CCDC18: variants seen among roughly 807,000 people sequenced by gnomAD.
CCDC18 encodes coiled-coil domain-containing protein 18.
Under a neutral mutation model 196.0 loss-of-function variants are expected in CCDC18, and 157 were observed. The ratio of observed to expected loss-of-function variants is 0.80; its 90% CI spans 0.70 to 0.91. CCDC18 has a LOEUF of 0.91. CCDC18 is among the 40% of genes least tolerant of loss of function. The pLI, the probability that CCDC18 is intolerant of heterozygous loss-of-function variation, is 0.00. For missense variants in CCDC18, 1,465 were observed against 1,611.6 expected, an observed-to-expected ratio of 0.91 and a Z score of 1.56; for synonymous variants, 482 against 529.2, an observed-to-expected ratio of 0.91 and a Z score of 1.22.
chr1:93,273,289 C>A (rs539480462), intron 28 of CCDC18, among the ~76,000 whole-genome samples: 1 of 152,228 alleles, frequency 6.6e-6, no homozygotes, highest in Admixed American at 6.5e-5. Context: ...AGGATGGTCT[C>A]GATCTCCTGA....
intron 25 of CCDC18, 56 bp from the exon 26 acceptor site, chr1:93,258,692 C>T (rs1173114115): frequency 2.1e-6 from 3 of 1,395,860 alleles, no homozygotes; most frequent in Non-Finnish European, 2.9e-6. Context: ...ATTAGTTTAG[C>T]TATAATAACC....
At chr1:93,238,051 TTC>T (rs1341960991) in intron 19 of CCDC18, among the ~76,000 whole-genome samples, 4 of 152,298 alleles carry the variant, frequency 2.6e-5, no homozygotes, top group Admixed American at 6.5e-5. Context: ...GCATATACAG[TTC>T]TGTTTTTTAT....
chr1:93,277,673 A>G (rs1260428214), intron 28 of CCDC18, among the ~76,000 whole-genome samples: 1 of 151,670 alleles, frequency 6.6e-6, no homozygotes, highest in East Asian at 1.9e-4. Flanking sequence ...TTAGTACATA[A>G]CAAAATGGAG....
intron 1 of CCDC18, among the ~76,000 whole-genome samples, chr1:93,182,087 C>G (rs1649813687): frequency 6.6e-6 from 1 of 152,162 alleles, no homozygotes; most frequent in Non-Finnish European, 1.5e-5. Flanking sequence ...GGATGGGGAC[C>G]TGATTTATTG....
At chr1:93,231,744 T>G (rs1052417526) in intron 17 of CCDC18, among the ~76,000 whole-genome samples, 1 of 152,236 alleles carries the variant, frequency 6.6e-6, no homozygotes, top group African/African-American at 2.4e-5. Flanking sequence ...ATTTCTTAGT[T>G]GTTATTGTCA....
chr1:93,237,959 G>C (rs1371541055), intron 19 of CCDC18, among the ~76,000 whole-genome samples: 1 of 152,016 alleles, frequency 6.6e-6, no homozygotes, highest in Non-Finnish European at 1.5e-5. Flanking sequence ...TTTTCTTGGG[G>C]TTTTTACTTT....
At chr1:93,254,678 T>C in intron 24 of CCDC18, 64 bp downstream of exon 24, 2 of 1,451,218 alleles carry the variant, frequency 1.4e-6, no homozygotes, top group Non-Finnish European at 1.9e-6. Context: ...TGAATCTTTA[T>C]GTTTTAAACT....
intron 28 of CCDC18, among the ~76,000 whole-genome samples, chr1:93,274,592 C>A (rs1333544240): frequency 6.6e-6 from 1 of 151,974 alleles, no homozygotes; most frequent in Non-Finnish European, 1.5e-5. Context: ...CACCTTTAAT[C>A]CCAACACTTT....
intron 14 of CCDC18, 48 bp downstream of exon 14, chr1:93,217,917 A>G (rs762985702): frequency 4.1e-6 from 6 of 1,447,310 alleles, no homozygotes; most frequent in Non-Finnish European, 5.7e-6. Flanking sequence ...AAACTTAAAC[A>G]TTACTAGCCC....
intron 18 of CCDC18, among the ~76,000 whole-genome samples, chr1:93,233,806 C>A (rs544732412): frequency 6.6e-6 from 1 of 152,294 alleles, no homozygotes; most frequent in African/African-American, 2.4e-5. Flanking sequence ...CCATGTTGGT[C>A]AGGCTCGTCT....
intron 12 of CCDC18, 110 bp downstream of exon 12, chr1:93,215,076 A>T (rs1314717066): frequency 6.6e-6 from 4 of 606,876 alleles, no homozygotes; most frequent in Non-Finnish European, 1.1e-5. Context: ...TAAAGTTTTT[A>T]AAAAATGGTA....
At chr1:93,264,667 A>ATTTTTTTTTTTTTTTTTTT in intron 26 of CCDC18, 34 bp from the exon 27 acceptor site, 1 of 1,320,042 alleles carries the variant, frequency 7.6e-7, no homozygotes. Flanking sequence ...CCATTTTTTT[A>ATTTTTTTTTTTTTTTTTTT]TTTTTTTTCT....
intron 18 of CCDC18, among the ~76,000 whole-genome samples, chr1:93,235,539 T>C (rs765765044): frequency 6.6e-6 from 1 of 152,088 alleles, no homozygotes; most frequent in Non-Finnish European, 1.5e-5. Flanking sequence ...TGATACAACA[T>C]GCATAGAAAA....
At chr1:93,212,457 C>A (rs11809153) in intron 11 of CCDC18, among the ~76,000 whole-genome samples, 196 bp downstream of exon 11, 13,548 of 151,652 alleles carry the variant, frequency 0.089, 1,988 homozygotes, top group African/African-American at 0.31. Context: ...AGCCTAGTAC[C>A]CCTTAATTAT....
chr1:93,185,375 C>G (rs144972144), intron 3 of CCDC18, among the ~76,000 whole-genome samples: 1 of 151,988 alleles, frequency 6.6e-6, no homozygotes, highest in Non-Finnish European at 1.5e-5. Context: ...AAAAACGATA[C>G]TGTAGACACC....
intron 26 of CCDC18, among the ~76,000 whole-genome samples, chr1:93,261,342 CAT>C (rs1663764697): frequency 2.6e-5 from 4 of 152,100 alleles, no homozygotes; most frequent in South Asian, 2.1e-4. Context: ...TATACATCCT[CAT>C]ATTTATTTTT....
intron 23 of CCDC18, among the ~76,000 whole-genome samples, chr1:93,248,972 CAA>C (rs71586786): frequency 0.22 from 20,740 of 95,654 alleles, 1,471 homozygotes; most frequent in East Asian, 0.39. Flanking sequence ...AACCCTGTCT[CAA>C]AAAAAAAAAA....
Position 93,278,663 on chromosome 1 carries a change from T to C in CCDC18, c.*186T>C, listed in dbSNP as rs925423470. The C allele has an allele frequency of 3.1e-6, 1 of 326,240 alleles. No homozygotes were observed. The highest frequency in any genetic ancestry group is 5.4e-6 in the Non-Finnish European group (1 of 183,748). The allele number at this position is 326,240 out of a possible 1,614,324, so 20.2% of individuals were successfully genotyped here. Reference sequence around the variant, plus strand: ...TTTTAAAGAAAATTTATTATTTTATTTATTGTTTTTTGGCTTAAACTTGCT... The same window carrying C: ...TTTTAAAGAAAATTTATTATTTTATCTATTGTTTTTTGGCTTAAACTTGCT... On this transcript the variant is annotated 3_prime_UTR_variant, in exon 29 of 29. Coordinates refer to ENST00000690025, the MANE Select transcript of CCDC18 (RefSeq NM_001378204.1).
Position 93,204,270 on chromosome 1 carries a change from T to C in CCDC18, c.796-1240T>C, listed in dbSNP as rs1399212992. On this transcript the variant is annotated intron_variant, in intron 7 of 28. Transcript: ENST00000690025. ...TTTAATGAAATAGGACATTTCTTTATGGGAAAAAAGTGGATAAAAACAGAA... is the reference window on the plus strand; with the variant it reads ...TTTAATGAAATAGGACATTTCTTTACGGGAAAAAAGTGGATAAAAACAGAA... Among the ~76,000 whole-genome samples the C allele has an allele frequency of 2.0e-5, 3 of 151,958 alleles. No homozygotes were observed. In the East Asian group the frequency reaches 5.8e-4, roughly 29 times the overall value.
Sources: gnomAD v4.1 joint callset for allele counts (sites outside exome capture counted in the v4.1 genomes callset) on GRCh38, gnomAD v4.1.1 for gene constraint, MANE v1.5 for transcripts, NCBI Gene and HGNC (gene_info 2026-07-23, HGNC 2026-07-21) for gene names.